NEBL: variants seen among roughly 807,000 people sequenced by gnomAD.
NEBL encodes LIM and SH3 protein 2.
NEBL carries 122 observed loss-of-function variants against 140.2 expected under a neutral mutation model. The ratio of observed to expected loss-of-function variants is 0.87; its 90% confidence interval spans 0.75 to 1.01. The LOEUF (loss-of-function observed/expected upper bound fraction) is 1.01, where lower values mean the gene tolerates loss of function less well. Ranked by LOEUF, NEBL falls within the 50% of genes least tolerant of loss-of-function variation. The pLI is 0.00. For missense variants in NEBL, 1,365 were observed against 1,231.3 expected (o/e 1.11, Z -1.62); for synonymous variants, 436 against 398.9 (o/e 1.09, Z -1.11).
rs1835345814 is a variant in NEBL at position 20,785,656 on chromosome 10, T to G, written c.*91A>C. The G allele has an allele frequency of 7.0e-7, 1 of 1,419,704 alleles. No homozygotes were observed. Among genetic ancestry groups the G allele is most frequent in the African/African-American group, 1.4e-5 (1 of 70,116 alleles). 87.9% of individuals were successfully genotyped at this position (1,419,704 alleles called of 1,614,324 possible). ...GGAAGGATACATCATTGTAAAATAA[T>G]GGCCAAGTTGTCTTAAAAGTATCTT... is the stretch of plus-strand genomic sequence containing the variant. On this transcript the variant is annotated 3_prime_UTR_variant, in exon 28 of 28. Coordinates refer to ENST00000377122, the MANE Select transcript of NEBL (RefSeq NM_006393.3).
intron 27 of NEBL, 104 bp downstream of exon 27, chr10:20,787,098 T>A: frequency 1.0e-6 from 1 of 975,442 alleles, no homozygotes; most frequent in South Asian, 1.4e-5. Context: ...TATCTTTAAA[T>A]GAAAATACCC....
intron 3 of NEBL, among the ~76,000 whole-genome samples, chr10:21,014,463 G>A (rs1425585129): frequency 6.6e-6 from 1 of 152,180 alleles, no homozygotes; most frequent in African/African-American, 2.4e-5. Flanking sequence ...TACAGAGTGG[G>A]ATTTGAAACT....
intron 5 of NEBL, among the ~76,000 whole-genome samples, chr10:20,871,825 T>A (rs1844967113): frequency 6.6e-6 from 1 of 151,560 alleles, no homozygotes; most frequent in South Asian, 2.1e-4. Context: ...TCTTTAGGGA[T>A]TTTTTTTTAA....
chr10:21,121,566 T>C (rs568624715), intron 2 of NEBL, among the ~76,000 whole-genome samples: 1 of 152,296 alleles, frequency 6.6e-6, no homozygotes, highest in South Asian at 2.1e-4. Context: ...ATAGTAGAAA[T>C]GCATTATGAA....
At chr10:21,092,228 A>G (rs1836952635) in intron 2 of NEBL, among the ~76,000 whole-genome samples, 1 of 152,072 alleles carries the variant, frequency 6.6e-6, no homozygotes, top group African/African-American at 2.4e-5. Context: ...CGGGTGTGCC[A>G]TTCATTCATT....
intron 3 of NEBL, among the ~76,000 whole-genome samples, chr10:20,889,551 C>A (rs1846836687): frequency 6.6e-6 from 1 of 152,032 alleles, no homozygotes; most frequent in African/African-American, 2.4e-5. Context: ...TGTGCCAGTG[C>A]TTTTACTTAT....
At chr10:20,964,780 C>T (rs532999907) in intron 3 of NEBL, among the ~76,000 whole-genome samples, 3 of 152,254 alleles carry the variant, frequency 2.0e-5, no homozygotes, top group South Asian at 2.1e-4. Flanking sequence ...ATGAAGTCAA[C>T]ACAGAGGCAA....
chr10:20,798,534 C>T (rs1836797758), intron 26 of NEBL, among the ~76,000 whole-genome samples: 1 of 152,168 alleles, frequency 6.6e-6, no homozygotes, highest in Non-Finnish European at 1.5e-5. Flanking sequence ...AAATCAAAAA[C>T]AACTATTTTC....
At chr10:20,915,202 C>T (rs1428157727) in intron 4 of NEBL, among the ~76,000 whole-genome samples, 2 of 152,044 alleles carry the variant, frequency 1.3e-5, no homozygotes, top group Non-Finnish European at 1.5e-5. Context: ...ACTTCACCAA[C>T]AAATACTTGT....
At chr10:20,849,949 A>C (rs995173764) in intron 11 of NEBL, among the ~76,000 whole-genome samples, 7 of 152,124 alleles carry the variant, frequency 4.6e-5, no homozygotes, top group African/African-American at 1.7e-4. Flanking sequence ...GACTCTTAGC[A>C]TATTACCTAG....
chr10:21,226,247 G>C (rs1842146492), intron 3 of NEBL, among the ~76,000 whole-genome samples: 1 of 151,736 alleles, frequency 6.6e-6, no homozygotes, highest in Non-Finnish European at 1.5e-5. Flanking sequence ...GGCTGAGCTG[G>C]TATCCAATTG....
intron 1 of NEBL, among the ~76,000 whole-genome samples, chr10:21,282,752 A>G (rs1157991496): frequency 6.6e-6 from 1 of 152,178 alleles, no homozygotes; most frequent in Non-Finnish European, 1.5e-5. Context: ...ATTCCCAGAC[A>G]GTTAAGGCAT....
At chr10:21,060,957 C>T (rs915076236) in intron 2 of NEBL, among the ~76,000 whole-genome samples, 2 of 152,226 alleles carry the variant, frequency 1.3e-5, no homozygotes, top group South Asian at 2.1e-4. Context: ...GCCTTACTGG[C>T]TATTAAGGGT....
At chr10:21,066,506 C>T (rs1017170776) in intron 2 of NEBL, among the ~76,000 whole-genome samples, 1 of 152,162 alleles carries the variant, frequency 6.6e-6, no homozygotes, top group Non-Finnish European at 1.5e-5. Flanking sequence ...TGAAATGATA[C>T]ACACCTTCTT....
intron 1 of NEBL, among the ~76,000 whole-genome samples, chr10:21,260,846 C>G (rs1338312875): frequency 6.6e-6 from 1 of 152,126 alleles, no homozygotes; most frequent in Non-Finnish European, 1.5e-5. Flanking sequence ...AGAGATTCTT[C>G]CAAAAGCTCA....
intron 27 of NEBL, among the ~76,000 whole-genome samples, chr10:20,786,366 T>C (rs113615067): frequency 0.011 from 1,739 of 152,232 alleles, 51 homozygotes; most frequent in African/African-American, 0.039. Context: ...GTAAAACAAA[T>C]GAAAGAAAAA....
Position 20,829,879 on chromosome 10 carries a change from C to CA in NEBL, c.1672-1246dup, listed in dbSNP as rs549938008. Among the ~76,000 whole-genome samples the CA allele has an allele frequency of 5.3e-5, 8 of 152,212 alleles. No individual in the cohort carries two copies. In the South Asian group the frequency reaches 1.5e-3, roughly 28 times the overall value. On this transcript the variant is annotated intron_variant, in intron 16 of 27. Transcript: ENST00000377122. ...ATCTGTAGCTTTCCAAGAGCAAAGC[C>CA]ATGTCTAGTTTTGCCTGCAAATGGG...
rs745405860 is a variant in NEBL at position 20,817,646 on chromosome 10, G to A, written c.2102C>T (p.Pro701Leu). 3 of 1,613,908 alleles carry A rather than the reference G, an allele frequency of 1.9e-6. No individual in the cohort carries two copies. Among genetic ancestry groups the A allele is most frequent in the Non-Finnish European group, 2.5e-6 (3 of 1,179,872 alleles). The change falls in exon 21 of 28, where the codon CCA becomes CTA. Residue 701 changes from proline to leucine, a missense_variant. By Grantham distance (98) the Pro-to-Leu change is moderately conservative. Coordinates refer to ENST00000377122, the MANE Select transcript of NEBL (RefSeq NM_006393.3). ...TTCTTTTGCCCTCTTCAGCTCTGGT[G>A]GATCAGAAATTGCAGTTCCCCGTTG... ...ELQRGTAISD[P>L]PELKRAKENQ...
chr10:20,855,528 A>AC (rs1842981535), intron 9 of NEBL, among the ~76,000 whole-genome samples: 1 of 151,346 alleles, frequency 6.6e-6, no homozygotes, highest in Admixed American at 6.6e-5. Flanking sequence ...AACAAAACAA[A>AC]AAAAAAACGA....
Sources: allele counts gnomAD v4.1 joint callset (sites outside exome capture counted in the v4.1 genomes callset), GRCh38; gene constraint gnomAD v4.1.1; transcripts MANE v1.5; gene names NCBI Gene and HGNC (gene_info 2026-07-23, HGNC 2026-07-21).